KCNIP4: variants seen among roughly 807,000 people sequenced by gnomAD.
KCNIP4 encodes Kv channel-interacting protein 4.
In KCNIP4, 12 loss-of-function variants were observed where a neutral mutation model predicts 34.0. The ratio of observed to expected loss-of-function variants is 0.35; its 90% CI spans 0.23 to 0.57. The LOEUF (loss-of-function observed/expected upper bound fraction) is 0.57, where lower values mean the gene tolerates loss of function less well. KCNIP4 is among the 20% of genes least tolerant of loss of function. The pLI, the probability that KCNIP4 is intolerant of heterozygous loss-of-function variation, is 0.83. For missense variants in KCNIP4, 238 were observed against 311.7 expected (o/e 0.76, Z 1.78); for synonymous variants, 124 against 102.2 (o/e 1.21, Z -1.29).
chr4:21,352,551 C>A (rs1284918696), intron 1 of KCNIP4, among the ~76,000 whole-genome samples: 1 of 152,214 alleles, frequency 6.6e-6, no homozygotes, highest in Non-Finnish European at 1.5e-5. Context: ...GATTGCCTTG[C>A]AAGGCTGCAG....
chr4:21,169,362 G>C (rs1471372588), intron 1 of KCNIP4, among the ~76,000 whole-genome samples: 1 of 151,668 alleles, frequency 6.6e-6, no homozygotes, highest in Non-Finnish European at 1.5e-5. Context: ...ATGATGCCCA[G>C]GCTGGTTTGG....
intron 1 of KCNIP4, among the ~76,000 whole-genome samples, chr4:21,670,410 G>A (rs1463232838): frequency 5.1e-5 from 7 of 138,044 alleles, no homozygotes; most frequent in African/African-American, 1.9e-4. Flanking sequence ...ATCACACTCT[G>A]GGGACTGTGG....
chr4:21,412,943 G>A (rs1045822169), intron 1 of KCNIP4, among the ~76,000 whole-genome samples: 10 of 152,200 alleles, frequency 6.6e-5, no homozygotes, highest in Admixed American at 2.6e-4. Context: ...AGATAGGAGT[G>A]AACATGACAC....
intron 1 of KCNIP4, among the ~76,000 whole-genome samples, chr4:21,873,612 C>A (rs6837235): frequency 0.1 from 15,390 of 152,128 alleles, 805 homozygotes; most frequent in African/African-American, 0.13. Context: ...TACTATTGGA[C>A]AAAATCATGA....
intron 1 of KCNIP4, among the ~76,000 whole-genome samples, chr4:21,878,720 C>T (rs1389320959): frequency 6.6e-6 from 1 of 152,110 alleles, no homozygotes; most frequent in East Asian, 1.9e-4. Flanking sequence ...ACAACATGAA[C>T]ACAAACGTGA....
At chr4:20,905,516 T>C (rs1055486333) in intron 1 of KCNIP4, among the ~76,000 whole-genome samples, 3 of 104,010 alleles carry the variant, frequency 2.9e-5, no homozygotes, top group African/African-American at 9.9e-5. Flanking sequence ...TTTCTTTTTT[T>C]TTTTTTTTTG....
chr4:21,646,285 GC>G (rs1412164088), intron 1 of KCNIP4, among the ~76,000 whole-genome samples: 2 of 152,080 alleles, frequency 1.3e-5, no homozygotes, highest in Non-Finnish European at 2.9e-5. Context: ...AGTTCCCACT[GC>G]CCGGAATAAC....
chr4:21,100,873 G>A (rs1347556978), intron 1 of KCNIP4, among the ~76,000 whole-genome samples: 1 of 151,984 alleles, frequency 6.6e-6, no homozygotes, highest in African/African-American at 2.4e-5. Flanking sequence ...AGCTGAACCT[G>A]CAATATGTTC....
At chr4:21,600,654 A>G (rs1389627743) in intron 1 of KCNIP4, among the ~76,000 whole-genome samples, 1 of 152,050 alleles carries the variant, frequency 6.6e-6, no homozygotes, top group Non-Finnish European at 1.5e-5. Flanking sequence ...TTTTCCAGCC[A>G]TGCCTAGAAT....
At chr4:20,889,856 T>C (rs540618347) in intron 1 of KCNIP4, among the ~76,000 whole-genome samples, 2 of 151,810 alleles carry the variant, frequency 1.3e-5, no homozygotes, top group African/African-American at 4.8e-5. Context: ...CATAACACTT[T>C]AAAGACCATA....
At chr4:21,694,909 T>C (rs1712090718) in intron 1 of KCNIP4, among the ~76,000 whole-genome samples, 1 of 109,724 alleles carries the variant, frequency 9.1e-6, no homozygotes, top group East Asian at 2.1e-4. Context: ...GATAACACGA[T>C]TGACCAAAAA....
At chr4:21,744,816 C>CA (rs1282909615) in intron 1 of KCNIP4, among the ~76,000 whole-genome samples, 3 of 152,094 alleles carry the variant, frequency 2.0e-5, no homozygotes, top group East Asian at 1.9e-4. Flanking sequence ...TATTTTGCTA[C>CA]AAAAAAACTA....
intron 3 of KCNIP4, among the ~76,000 whole-genome samples, chr4:20,771,860 C>T (rs1578580358): frequency 1.3e-5 from 2 of 152,004 alleles, no homozygotes; most frequent in South Asian, 2.1e-4. Flanking sequence ...TTAGTAGAGA[C>T]GGGGTTTCAC....
At chr4:21,429,210 T>C (rs1726209094) in intron 1 of KCNIP4, among the ~76,000 whole-genome samples, 1 of 152,120 alleles carries the variant, frequency 6.6e-6, no homozygotes, top group African/African-American at 2.4e-5. Context: ...TTCAAGAATG[T>C]CATATAGTTG....
chr4:21,844,071 A>G (rs2109324643), intron 1 of KCNIP4: 1 of 152,218 alleles, frequency 6.6e-6, no homozygotes, highest in African/African-American at 2.4e-5. Context: ...CTCACTCTAC[A>G]CATATTTATT....
At position 21,886,768 on chromosome 4, in the gene KCNIP4, A is replaced by G. The variant is rs1346199182; in HGVS notation, c.61+61803T>C. Among the ~76,000 whole-genome samples the G allele has an allele frequency of 6.6e-5, 10 of 152,308 alleles. No individual in the cohort carries two copies. In the East Asian group the frequency reaches 1.9e-3, roughly 29 times the overall value. ...AGTAAATGCACCTGATACCTGTGGCAACCATGGAGGGCACACACACACAAA... is the reference window on the plus strand; with the variant it reads ...AGTAAATGCACCTGATACCTGTGGCGACCATGGAGGGCACACACACACAAA... On this transcript the variant is annotated intron_variant, in intron 1 of 8. Coordinates refer to ENST00000382152, the MANE Select transcript of KCNIP4 (RefSeq NM_025221.6).
At chr4:21,274,731 A>C (rs1762338271) in intron 1 of KCNIP4, among the ~76,000 whole-genome samples, 1 of 152,190 alleles carries the variant, frequency 6.6e-6, no homozygotes, top group Non-Finnish European at 1.5e-5. Context: ...CCAAAACATA[A>C]ATATTCAAAT....
At chr4:21,151,530 G>C (rs1042871110) in intron 1 of KCNIP4, among the ~76,000 whole-genome samples, 12 of 144,030 alleles carry the variant, frequency 8.3e-5, no homozygotes, top group African/African-American at 3.1e-4. Context: ...TCTTCTCTCT[G>C]TGTCCTCACA....
chr4:20,896,915 C>G (rs188846112), intron 1 of KCNIP4, among the ~76,000 whole-genome samples: 1 of 151,670 alleles, frequency 6.6e-6, no homozygotes, highest in African/African-American at 2.4e-5. Flanking sequence ...ACTTGTAGTG[C>G]CTTCTCATTA....
Sources: allele counts gnomAD v4.1 joint callset (sites outside exome capture counted in the v4.1 genomes callset), GRCh38; gene constraint gnomAD v4.1.1; transcripts MANE v1.5; gene names NCBI Gene and HGNC (gene_info 2026-07-23, HGNC 2026-07-21).